Variants in ARHGAP10 observed in about 807,000 individuals in gnomAD.
ARHGAP10 encodes the protein rho GTPase-activating protein 10.
A neutral mutation model predicts 108.6 loss-of-function variants in ARHGAP10; 87 were observed. The observed-to-expected ratio is 0.80, with a 90% CI of 0.67 to 0.96. ARHGAP10 has a LOEUF of 0.96. ARHGAP10 is among the 40% of genes least tolerant of loss of function. The pLI is 0.00. For missense variants in ARHGAP10, 939 were observed against 954.5 expected, an observed-to-expected ratio of 0.98 and a Z score of 0.21; for synonymous variants, 347 against 341.1, an observed-to-expected ratio of 1.02 and a Z score of -0.19.
intron 19 of ARHGAP10, among the ~76,000 whole-genome samples, chr4:148,026,507 A>T (rs1382129540): frequency 6.6e-6 from 1 of 152,244 alleles, no homozygotes; most frequent in Non-Finnish European, 1.5e-5. Context: ...GCATCTAGCC[A>T]TACTGTGTAT....
chr4:147,987,857 G>A (rs1740102219), intron 18 of ARHGAP10, among the ~76,000 whole-genome samples: 2 of 152,166 alleles, frequency 1.3e-5, no homozygotes, highest in Non-Finnish European at 2.9e-5. Flanking sequence ...ACTCTTGATG[G>A]CCTCTCATTA....
chr4:148,047,431 A>G (rs1447423598), intron 20 of ARHGAP10, among the ~76,000 whole-genome samples: 2 of 152,200 alleles, frequency 1.3e-5, no homozygotes, highest in Non-Finnish European at 2.9e-5. Flanking sequence ...GTAGAATGAT[A>G]TTTTACTTAC....
intron 1 of ARHGAP10, among the ~76,000 whole-genome samples, chr4:147,739,738 C>CT (rs772201824): frequency 0.016 from 2,216 of 137,602 alleles, 30 homozygotes; most frequent in African/African-American, 0.036. Context: ...ATATCTTGGG[C>CT]TTTTTTTTTT....
intron 1 of ARHGAP10, among the ~76,000 whole-genome samples, chr4:147,811,198 A>G (rs1732001724): frequency 6.6e-6 from 1 of 152,206 alleles, no homozygotes; most frequent in Non-Finnish European, 1.5e-5. Context: ...CCTCAGTCCC[A>G]CCCAAGTCAG....
intron 10 of ARHGAP10, among the ~76,000 whole-genome samples, chr4:147,890,053 T>G (rs1735736477): frequency 6.6e-6 from 1 of 152,218 alleles, no homozygotes; most frequent in African/African-American, 2.4e-5. Context: ...TAGCACTGTC[T>G]GTGGTTGTAG....
intron 20 of ARHGAP10, among the ~76,000 whole-genome samples, 186 bp from the exon 21 acceptor site, chr4:148,062,962 G>A (rs944798951): frequency 6.6e-6 from 1 of 152,292 alleles, no homozygotes; most frequent in East Asian, 1.9e-4. Flanking sequence ...GCTGTGGCTG[G>A]TTTCTGGGTT....
rs1741270884 is a variant in ARHGAP10 at position 148,014,248 on chromosome 4, G to A, written c.1717-9015G>A. On this transcript the variant is annotated intron_variant, in intron 18 of 22. Coordinates refer to ENST00000336498, the MANE Select transcript of ARHGAP10 (RefSeq NM_024605.4). The stretch of plus-strand genomic sequence containing the variant: ...AAAAGGCTTTGGCTTTTTACTCAGC[G>A]AAGAGTATTTGTAGACATTTGGGTT... 2.6e-5 allele frequency among the ~76,000 whole-genome samples: 4 copies of A among 152,180 alleles called. No individual in the cohort carries two copies. In the South Asian group the frequency reaches 6.2e-4, roughly 24 times the overall value.
At chr4:147,890,173 G>A (rs2126884579) in intron 10 of ARHGAP10, among the ~76,000 whole-genome samples, 1 of 152,294 alleles carries the variant, frequency 6.6e-6, no homozygotes, top group Admixed American at 6.5e-5. Flanking sequence ...CCTAAGGTTG[G>A]GAAATTGCTG....
chr4:147,946,849 A>G (rs1012306090), intron 15 of ARHGAP10, 145 bp downstream of exon 15: 5 of 538,806 alleles, frequency 9.3e-6, no homozygotes, highest in Non-Finnish European at 1.5e-5. Context: ...TCAGTGTCCC[A>G]GAAAGAAAGG....
At chr4:147,779,943 G>GC (rs1730461585) in intron 1 of ARHGAP10, among the ~76,000 whole-genome samples, 1 of 152,118 alleles carries the variant, frequency 6.6e-6, no homozygotes, top group African/African-American at 2.4e-5. Flanking sequence ...TTATAGTCTT[G>GC]CCCGAGTATG....
chr4:147,784,633 A>T (rs1730741609), intron 1 of ARHGAP10, among the ~76,000 whole-genome samples: 1 of 95,932 alleles, frequency 1.0e-5, no homozygotes, highest in Non-Finnish European at 1.8e-5. Context: ...TATATTATAT[A>T]TTATAAATAT....
At chr4:148,062,559 T>G (rs889116483) in intron 20 of ARHGAP10, among the ~76,000 whole-genome samples, 2 of 152,192 alleles carry the variant, frequency 1.3e-5, no homozygotes, top group African/African-American at 2.4e-5. Flanking sequence ...AGGTGTCTGT[T>G]CACTGACCTG....
intron 1 of ARHGAP10, among the ~76,000 whole-genome samples, chr4:147,735,463 C>G (rs1163536720): frequency 6.6e-6 from 1 of 152,114 alleles, no homozygotes; most frequent in East Asian, 1.9e-4. Flanking sequence ...CAGAAGAAAC[C>G]AGAACACTCG....
At chr4:147,901,046 A>G (rs1736215228) in intron 10 of ARHGAP10, among the ~76,000 whole-genome samples, 1 of 152,204 alleles carries the variant, frequency 6.6e-6, no homozygotes, top group Non-Finnish European at 1.5e-5. Context: ...TTAATAAAAT[A>G]TGTCCTTTGT....
chr4:147,733,054 C>G (rs1034506430), intron 1 of ARHGAP10, among the ~76,000 whole-genome samples: 21 of 152,144 alleles, frequency 1.4e-4, no homozygotes, highest in Admixed American at 1.3e-3. Flanking sequence ...GCACATTCCT[C>G]CCCTGCCGTG....
intron 10 of ARHGAP10, among the ~76,000 whole-genome samples, chr4:147,906,231 C>T (rs972183857): frequency 9.2e-5 from 14 of 152,152 alleles, no homozygotes; most frequent in Non-Finnish European, 1.8e-4. Context: ...GGTATTTGTA[C>T]ATCCATGTTC....
chr4:148,050,365 C>CTTTTTTTTTTTT (rs11309245), intron 20 of ARHGAP10, among the ~76,000 whole-genome samples: 1 of 59,300 alleles, frequency 1.7e-5, no homozygotes, highest in Non-Finnish European at 3.3e-5. Flanking sequence ...TCATCATCAT[C>CTTTTTTTTTTTT]TTTTTTTTTT....
chr4:147,913,099 C>T lies in ARHGAP10; in HGVS notation c.1188C>T (p.Phe396=). 6.2e-7 allele frequency: 1 copy of T among 1,613,666 alleles called. No individual in the cohort carries two copies. The highest frequency in any genetic ancestry group is 2.2e-5 in the East Asian group (1 of 44,830). The change falls in exon 13 of 23, where the codon TTC becomes TTT. Residue 396 remains phenylalanine, a synonymous_variant. Coordinates refer to ENST00000336498, the MANE Select transcript of ARHGAP10 (RefSeq NM_024605.4). The part of the protein sequence containing the change: ...EGNAQLDKMG[F]TIIRKCISAV... Reference sequence around the variant, plus strand: ...ATGCACAGTTGGATAAGATGGGGTTCACAATTATCAGAAAATGCATCAGTG... The same window carrying T: ...ATGCACAGTTGGATAAGATGGGGTTTACAATTATCAGAAAATGCATCAGTG...
chr4:147,850,444 G>A (rs1407376055), intron 4 of ARHGAP10, among the ~76,000 whole-genome samples: 1 of 152,152 alleles, frequency 6.6e-6, no homozygotes, highest in African/African-American at 2.4e-5. Context: ...TCACCACGAA[G>A]GTCTGCAGCT....
Sources: allele counts gnomAD v4.1 joint callset (sites outside exome capture counted in the v4.1 genomes callset), GRCh38; gene constraint gnomAD v4.1.1; transcripts MANE v1.5; gene names NCBI Gene and HGNC (gene_info 2026-07-23, HGNC 2026-07-21).